Variants in ATP13A5 observed in about 807,000 individuals in gnomAD.
ATP13A5 encodes ATPase 13A5.
A neutral mutation model predicts 150.2 loss-of-function variants in ATP13A5; 149 were observed. The ratio of observed to expected loss-of-function variants is 0.99; its 90% confidence interval spans 0.87 to 1.14. ATP13A5 has a LOEUF of 1.14. ATP13A5 is among the 50% of genes most tolerant of loss of function. The pLI is 0.00. For missense variants in ATP13A5, 1,383 were observed against 1,449.3 expected (o/e 0.95, Z 0.74); for synonymous variants, 497 against 522.2 (o/e 0.95, Z 0.66).
intron 24 of ATP13A5, among the ~76,000 whole-genome samples, chr3:193,300,561 C>T (rs966023399): frequency 6.6e-6 from 1 of 152,092 alleles, no homozygotes; most frequent in African/African-American, 2.4e-5. Flanking sequence ...CTGAAGTGTT[C>T]CTTGAGCCTG....
chr3:193,330,682 G>A (rs1222724068), intron 12 of ATP13A5, among the ~76,000 whole-genome samples: 1 of 152,226 alleles, frequency 6.6e-6, no homozygotes, highest in Non-Finnish European at 1.5e-5. Flanking sequence ...CCCTGGAGGA[G>A]CAAAGGGGCA....
chr3:193,285,236 A>G, intron 26 of ATP13A5, 120 bp from the exon 27 acceptor site: 1 of 747,040 alleles, frequency 1.3e-6, no homozygotes, highest in Non-Finnish European at 2.2e-6. Flanking sequence ...TCAGCCAGTA[A>G]CTACCAAGAC....
At chr3:193,373,752 G>A (rs1170140360) in intron 1 of ATP13A5, among the ~76,000 whole-genome samples, 1 of 152,178 alleles carries the variant, frequency 6.6e-6, no homozygotes, top group Non-Finnish European at 1.5e-5. Flanking sequence ...GGCCAAAGAG[G>A]TGTCCACAAC....
chr3:193,357,932 T>C (rs1712852071), intron 5 of ATP13A5, among the ~76,000 whole-genome samples: 1 of 151,800 alleles, frequency 6.6e-6, no homozygotes, highest in South Asian at 2.1e-4. Flanking sequence ...GACTTTCTCT[T>C]GGAGGAGGTC....
intron 2 of ATP13A5, 35 bp downstream of exon 2, chr3:193,364,070 TCA>T: frequency 6.2e-7 from 1 of 1,605,618 alleles, no homozygotes; most frequent in Non-Finnish European, 8.5e-7. Flanking sequence ...GAAGACACGA[TCA>T]TGGCTTTCAA....
In ATP13A5 at chr3:193,334,947, C is replaced by A. The variant is rs1711792835; in HGVS notation, c.1096G>T (p.Ala366Ser). 2 of 1,613,232 alleles carry A rather than the reference C, an allele frequency of 1.2e-6. No individual in the cohort carries two copies. Among genetic ancestry groups the A allele is most frequent in the Non-Finnish European group, 8.5e-7 (1 of 1,179,414 alleles). ...CACTAACCTGTTTGCAAAACGACTG[C>A]TCGTACAGGCCCCTGCCCAGAGGGC... The part of the protein sequence containing the change: ...VKPSGQGPVR[A>S]VVLQTGYNTA... The change falls in exon 10 of 30, where the codon GCA becomes TCA. Residue 366 changes from alanine to serine, a missense_variant. Ala to Ser is a moderately conservative substitution (Grantham distance 99). Transcript: ENST00000342358.
At chr3:193,366,095 C>G (rs1713229809) in intron 1 of ATP13A5, among the ~76,000 whole-genome samples, 1 of 151,878 alleles carries the variant, frequency 6.6e-6, no homozygotes, top group Non-Finnish European at 1.5e-5. Context: ...CTGGAAAAAC[C>G]AAATGATAGC....
At position 193,363,391 on chromosome 3, in the gene ATP13A5, G is replaced by A; in HGVS notation, c.238-9C>T. 2 of 1,608,342 alleles carry A rather than the reference G, an allele frequency of 1.2e-6. No individual in the cohort carries two copies. The highest frequency in any genetic ancestry group is 1.1e-5 in the South Asian group (1 of 90,052). On this transcript the variant is annotated splice_polypyrimidine_tract_variant and intron_variant, in intron 2 of 29. Coordinates refer to ENST00000342358, the MANE Select transcript of ATP13A5 (RefSeq NM_198505.4). ...TATCTTTGAAATTCGTCCTGGAAAA[G>A]ACAATCCAGTTCATGAAATTCTCAA...
intron 17 of ATP13A5, among the ~76,000 whole-genome samples, chr3:193,316,051 C>T (rs750502060): frequency 6.6e-6 from 1 of 152,120 alleles, no homozygotes; most frequent in African/African-American, 2.4e-5. Flanking sequence ...TAAGTAGGAT[C>T]ACACAGTATT....
intron 26 of ATP13A5, among the ~76,000 whole-genome samples, chr3:193,286,612 A>C (rs1717732837): frequency 6.6e-6 from 1 of 152,110 alleles, no homozygotes; most frequent in East Asian, 1.9e-4. Context: ...TTAATCGATA[A>C]ATATTGTCTG....
chr3:193,345,154 A>T, intron 7 of ATP13A5, 79 bp from the exon 8 acceptor site: 1 of 1,334,908 alleles, frequency 7.5e-7, no homozygotes, highest in Non-Finnish European at 1.1e-6. Flanking sequence ...AGTAAATACC[A>T]GGCCAGCTGT....
intron 17 of ATP13A5, among the ~76,000 whole-genome samples, chr3:193,318,532 G>A (rs1181849904): frequency 4.6e-5 from 7 of 152,196 alleles, no homozygotes; most frequent in Non-Finnish European, 1.0e-4. Flanking sequence ...CGAAGGAGAT[G>A]TTGTAGTATT....
At chr3:193,292,751 C>G (rs1187514171) in intron 25 of ATP13A5, among the ~76,000 whole-genome samples, 2 of 152,062 alleles carry the variant, frequency 1.3e-5, no homozygotes, top group Admixed American at 6.6e-5. Flanking sequence ...ACTTACAAAC[C>G]CATGAATGGG....
Position 193,275,159 on chromosome 3 carries a change from A to C in ATP13A5, c.3540T>G (p.Gly1180=), listed in dbSNP as rs748479704. 2 of 1,614,078 alleles carry C rather than the reference A, an allele frequency of 1.2e-6. No individual in the cohort carries two copies. The highest frequency in any genetic ancestry group is 3.3e-5 in the Admixed American group (2 of 60,014). ...WPPINRTDYS[G]DGKNGFYING... is the part of the protein sequence containing the mutation. Reference sequence around the variant, plus strand: ...TGATGTAGAATCCATTTTTGCCATCACCTGAATAATCTGTCCTGTTTATGG... The same window carrying C: ...TGATGTAGAATCCATTTTTGCCATCCCCTGAATAATCTGTCCTGTTTATGG... Residue 1180 remains glycine (G), a synonymous_variant, in exon 30 of 30, where the codon GGT becomes GGG. Coordinates refer to ENST00000342358, the MANE Select transcript of ATP13A5 (RefSeq NM_198505.4).
At chr3:193,339,763 T>C (rs1301431705) in intron 9 of ATP13A5, among the ~76,000 whole-genome samples, 4 of 152,198 alleles carry the variant, frequency 2.6e-5, no homozygotes. Flanking sequence ...TCAGCCTTTG[T>C]AAGAGGCGAA....
intron 7 of ATP13A5, among the ~76,000 whole-genome samples, chr3:193,347,421 G>A (rs192351177): frequency 6.6e-6 from 1 of 151,768 alleles, no homozygotes; most frequent in East Asian, 1.9e-4. Context: ...TCAAACCTAG[G>A]TTCATCTGAC....
chr3:193,296,233 A>C (rs1409817955), intron 25 of ATP13A5, among the ~76,000 whole-genome samples: 3 of 152,038 alleles, frequency 2.0e-5, no homozygotes, highest in African/African-American at 7.2e-5. Flanking sequence ...GAGCACCACT[A>C]TGTCAGGGTG....
chr3:193,317,191 T>C (rs184853299), intron 17 of ATP13A5, among the ~76,000 whole-genome samples: 38 of 152,334 alleles, frequency 2.5e-4, no homozygotes, highest in African/African-American at 8.2e-4. Context: ...TGTCTTTCTC[T>C]CTTATTTTAT....
chr3:193,331,529 C>T (rs527647454), intron 11 of ATP13A5, among the ~76,000 whole-genome samples: 2 of 152,168 alleles, frequency 1.3e-5, no homozygotes, highest in Admixed American at 6.5e-5. Flanking sequence ...CTCTCTCCCC[C>T]ACTAGCCTAC....
Sources: allele counts gnomAD v4.1 joint callset (sites outside exome capture counted in the v4.1 genomes callset), GRCh38; gene constraint gnomAD v4.1.1; transcripts MANE v1.5; gene names NCBI Gene and HGNC (gene_info 2026-07-23, HGNC 2026-07-21).